Variants in SETX observed in about 807,000 individuals in gnomAD.
SETX encodes the protein senataxin.
Under a neutral mutation model 227.2 loss-of-function variants are expected in SETX, and 90 were observed. The ratio of observed to expected loss-of-function variants is 0.40; its 90% confidence interval spans 0.33 to 0.47. The LOEUF (loss-of-function observed/expected upper bound fraction) is 0.47. Among genes scored for constraint, SETX ranks in the 20% least tolerant of loss-of-function variants. The pLI is 0.91. For missense variants in SETX, 3,052 were observed against 3,181.5 expected (o/e 0.96, Z 0.98); for synonymous variants, 1,210 against 1,113.2 (o/e 1.09, Z -1.73).
At chr9:132,265,498 ACAGG>A (rs1842603429) in intron 25 of SETX, among the ~76,000 whole-genome samples, 1 of 152,176 alleles carries the variant, frequency 6.6e-6, no homozygotes, top group African/African-American at 2.4e-5. Flanking sequence ...TGCTGGGATT[ACAGG>A]CAGGAGCCAC....
chr9:132,323,955 T>A (rs150202471), intron 10 of SETX, among the ~76,000 whole-genome samples: 18 of 152,002 alleles, frequency 1.2e-4, no homozygotes, highest in African/African-American at 3.4e-4. Flanking sequence ...AAAGGACTCA[T>A]TAAGAATAGA....
chr9:132,311,707 A>C, intron 11 of SETX, 50 bp downstream of exon 11: 1 of 1,304,738 alleles, frequency 7.7e-7, no homozygotes, highest in Non-Finnish European at 1.1e-6. Context: ...TTAATTAGAA[A>C]TCTCCAATTA....
At chr9:132,310,499 CA>C (rs1165763892) in intron 11 of SETX, among the ~76,000 whole-genome samples, 1 of 152,194 alleles carries the variant, frequency 6.6e-6, no homozygotes, top group Admixed American at 6.5e-5. Flanking sequence ...GTTAACATAG[CA>C]GGCATGCTAT....
chr9:132,311,402 C>T (rs753966352), intron 11 of SETX, among the ~76,000 whole-genome samples: 10 of 151,902 alleles, frequency 6.6e-5, no homozygotes, highest in Non-Finnish European at 1.3e-4. Flanking sequence ...GTATGTGGTT[C>T]GGATCAATCA....
intron 24 of SETX, among the ~76,000 whole-genome samples, chr9:132,270,417 A>G (rs10793909): frequency 0.46 from 67,309 of 147,002 alleles, 17,988 homozygotes; most frequent in African/African-American, 0.75. Flanking sequence ...GACACAGGTG[A>G]ACTCTAGAAT....
At chr9:132,286,915 T>G (rs1006636099) in intron 17 of SETX, among the ~76,000 whole-genome samples, 3 of 152,218 alleles carry the variant, frequency 2.0e-5, no homozygotes, top group Non-Finnish European at 4.4e-5. Flanking sequence ...TTTGGATATA[T>G]GGATGCTAAG....
intron 5 of SETX, among the ~76,000 whole-genome samples, chr9:132,337,463 T>C (rs1213210592): frequency 6.9e-6 from 1 of 144,430 alleles, no homozygotes; most frequent in Non-Finnish European, 1.5e-5. Context: ...AACAGAAAAA[T>C]ATCAAGAGTG....
At chr9:132,282,750 T>C (rs2296876) in intron 19 of SETX, 12,180 of 163,034 alleles carry the variant, frequency 0.075, 898 homozygotes, top group East Asian at 0.37. Context: ...ATTTAATCAT[T>C]TCCACTTTTT....
rs534561670 is a variant in SETX at position 132,335,156 on chromosome 9, C to A, written c.719-429G>T. The stretch of plus-strand genomic sequence containing the variant: ...CTGTAATCCCAGCACTTTGGGAGGC[C>A]AAGGCGGGCAGATCACAAAGTCAGG... On this transcript the variant is annotated intron_variant, in intron 6 of 25. Transcript: ENST00000224140. 9.2e-5 allele frequency among the ~76,000 whole-genome samples: 14 copies of A among 151,758 alleles called. 1 individual carries two copies. The East Asian group carries it at 2.3e-3, about 25-fold the overall frequency.
chr9:132,271,167 A>G (rs1034175284), intron 24 of SETX, among the ~76,000 whole-genome samples: 1 of 152,236 alleles, frequency 6.6e-6, no homozygotes, highest in Non-Finnish European at 1.5e-5. Flanking sequence ...ACACTTTGAC[A>G]CATACCATGG....
At chr9:132,268,965 CTCT>C (rs1478757547) in intron 25 of SETX, among the ~76,000 whole-genome samples, 3 of 151,800 alleles carry the variant, frequency 2.0e-5, no homozygotes, top group African/African-American at 7.3e-5. Context: ...ACCAAGTTGG[CTCT>C]TCTTAGATGA....
At chr9:132,276,104 C>T (rs1757166192) in intron 22 of SETX, among the ~76,000 whole-genome samples, 1 of 152,148 alleles carries the variant, frequency 6.6e-6, no homozygotes, top group Non-Finnish European at 1.5e-5. Context: ...GATGCACTGC[C>T]CCATCCCTTG....
At chr9:132,300,857 A>AC in intron 11 of SETX, 54 bp from the exon 12 acceptor site, 1 of 1,478,188 alleles carries the variant, frequency 6.8e-7, no homozygotes, top group Non-Finnish European at 9.2e-7. Context: ...ATTATTTTAA[A>AC]TAAGATTAAC....
At chr9:132,306,446 AG>A (rs1564514409) in intron 11 of SETX, among the ~76,000 whole-genome samples, 1 of 152,190 alleles carries the variant, frequency 6.6e-6, no homozygotes, top group Admixed American at 6.5e-5. Flanking sequence ...TCCCGACCTC[AG>A]GTGATCCACC....
chr9:132,345,622 T>A (rs1848244072), intron 4 of SETX, among the ~76,000 whole-genome samples: 1 of 152,324 alleles, frequency 6.6e-6, no homozygotes, highest in Admixed American at 6.5e-5. Flanking sequence ...AGATACGTAA[T>A]AAAGCAAATA....
In SETX at chr9:132,274,473, C is replaced by G. The variant is rs1843057043; in HGVS notation, c.7100+783G>C. Reference sequence around the variant, plus strand: ...TTTTTTTTTGAGATGGAGTCTCGCTCTGTCACCCAGGCTGGAGTGATGCAG... The same window carrying G: ...TTTTTTTTTGAGATGGAGTCTCGCTGTGTCACCCAGGCTGGAGTGATGCAG... On this transcript the variant is annotated intron_variant, in intron 23 of 25. Transcript: ENST00000224140. 2.0e-5 allele frequency among the ~76,000 whole-genome samples: 3 copies of G among 146,972 alleles called. No homozygotes were observed. The South Asian group carries it at 6.4e-4, about 31-fold the overall frequency.
At chr9:132,323,820 C>T (rs969277038) in intron 10 of SETX, among the ~76,000 whole-genome samples, 1 of 151,598 alleles carries the variant, frequency 6.6e-6, no homozygotes, top group African/African-American at 2.4e-5. Context: ...GAAGGACTAC[C>T]AGAGGCCAAG....
chr9:132,274,299 G>T (rs1387633369), intron 23 of SETX, among the ~76,000 whole-genome samples: 1 of 151,926 alleles, frequency 6.6e-6, no homozygotes, highest in Non-Finnish European at 1.5e-5. Flanking sequence ...GAATCTGAGT[G>T]TTCTATTTAT....
At position 132,288,299 on chromosome 9, in the gene SETX, T is replaced by C. The variant is rs1243897104; in HGVS notation, c.6261A>G (p.Leu2087=). The change falls in exon 17 of 26, where the codon CTA becomes CTG. Residue 2087 remains leucine, a synonymous_variant. Coordinates refer to ENST00000224140, the MANE Select transcript of SETX (RefSeq NM_015046.7). ...VQAMHKRKEF[L]DYQLDELSRQ... is the part of the protein sequence containing the mutation. ...GGGAAAGCTCATCCAGCTGATAATCTAGAAATTCCTTTCTTTTATGCATCG... is the reference window on the plus strand; with the variant it reads ...GGGAAAGCTCATCCAGCTGATAATCCAGAAATTCCTTTCTTTTATGCATCG... The C allele has an allele frequency of 6.2e-7, 1 of 1,614,236 alleles. No homozygotes were observed.
Sources: allele counts gnomAD v4.1 joint callset (sites outside exome capture counted in the v4.1 genomes callset), GRCh38; gene constraint gnomAD v4.1.1; transcripts MANE v1.5; gene names NCBI Gene and HGNC (gene_info 2026-07-23, HGNC 2026-07-21).